Variants in KCNQ5 observed in about 807,000 individuals in gnomAD.
KCNQ5 encodes the protein potassium voltage-gated channel subfamily Q member 5, also known as potassium voltage-gated channel subfamily KQT member 5.
In KCNQ5, 30 loss-of-function variants were observed where a neutral mutation model predicts 98.2. The ratio of observed to expected loss-of-function variants is 0.31; its 90% confidence interval spans 0.23 to 0.41. The LOEUF (loss-of-function observed/expected upper bound fraction) is 0.41, where lower values mean the gene tolerates loss of function less well. Among genes scored for constraint, KCNQ5 ranks in the 10% least tolerant of loss-of-function variants. KCNQ5 has a pLI of 1.00. For synonymous variants in KCNQ5, 458 were observed against 449.4 expected, an observed-to-expected ratio of 1.02 and a Z score of -0.24; for missense variants, 835 against 1,182.5, an observed-to-expected ratio of 0.71 and a Z score of 4.31.
intron 1 of KCNQ5, among the ~76,000 whole-genome samples, chr6:72,842,177 A>T (rs1776824604): frequency 6.6e-6 from 1 of 152,184 alleles, no homozygotes. Flanking sequence ...TTGGAAGTCG[A>T]TGGGATGTGG....
intron 1 of KCNQ5, among the ~76,000 whole-genome samples, chr6:72,805,939 A>T (rs1045794238): frequency 1.3e-5 from 2 of 152,010 alleles, no homozygotes; most frequent in African/African-American, 4.8e-5. Context: ...AAATGGGATC[A>T]CTTCCATGAT....
intron 1 of KCNQ5, among the ~76,000 whole-genome samples, chr6:72,658,425 C>T (rs1053172390): frequency 3.1e-4 from 46 of 150,372 alleles, no homozygotes; most frequent in African/African-American, 7.1e-4. Flanking sequence ...GGATTACAGG[C>T]GCCCACCACC....
At chr6:73,063,686 T>TAGATAGATGATAGATAGATA (rs55995543) in intron 3 of KCNQ5, among the ~76,000 whole-genome samples, 1,850 of 92,876 alleles carry the variant, frequency 0.02, 84 homozygotes, top group South Asian at 0.031. Context: ...GATAGATAGA[T>TAGATAGATGATAGATAGATA]GATAGATAGA....
chr6:73,088,388 C>T (rs969733487), intron 5 of KCNQ5, among the ~76,000 whole-genome samples: 1 of 152,162 alleles, frequency 6.6e-6, no homozygotes, highest in Non-Finnish European at 1.5e-5. Context: ...ACTCTCCATT[C>T]TCTATTGAGT....
intron 1 of KCNQ5, among the ~76,000 whole-genome samples, chr6:72,958,660 A>G (rs553023984): frequency 3.3e-5 from 5 of 152,368 alleles, no homozygotes; most frequent in Admixed American, 6.5e-5. Context: ...TATGAGGTAC[A>G]TAATAAATAT....
chr6:72,940,865 A>C (rs917918755), intron 1 of KCNQ5, among the ~76,000 whole-genome samples: 6 of 152,222 alleles, frequency 3.9e-5, no homozygotes, highest in Admixed American at 3.9e-4. Context: ...ATACATGCAA[A>C]GTATTTAGAG....
At chr6:72,932,353 A>G (rs950253869) in intron 1 of KCNQ5, among the ~76,000 whole-genome samples, 2 of 152,136 alleles carry the variant, frequency 1.3e-5, no homozygotes, top group Non-Finnish European at 2.9e-5. Context: ...CCTAATAGGA[A>G]GACAATAGAT....
chr6:73,193,836 C>CTTTT (rs71540369), intron 13 of KCNQ5, among the ~76,000 whole-genome samples: 1 of 124,580 alleles, frequency 8.0e-6, no homozygotes, highest in Non-Finnish European at 1.7e-5. Context: ...AATGGGAAGT[C>CTTTT]TTTTTTTTTT....
At chr6:72,848,191 A>AT (rs879493705) in intron 1 of KCNQ5, among the ~76,000 whole-genome samples, 921 of 57,158 alleles carry the variant, frequency 0.016, 8 homozygotes, top group Middle Eastern at 0.087. Context: ...CAGGACAGCC[A>AT]TTTTTTTTTT....
At chr6:73,171,514 C>A (rs578172630) in intron 11 of KCNQ5, among the ~76,000 whole-genome samples, 1 of 152,230 alleles carries the variant, frequency 6.6e-6, no homozygotes, top group African/African-American at 2.4e-5. Flanking sequence ...ACTGCACTGT[C>A]CAATATGATA....
intron 1 of KCNQ5, among the ~76,000 whole-genome samples, chr6:72,843,285 A>T (rs764398780): frequency 6.6e-6 from 1 of 152,082 alleles, no homozygotes; most frequent in African/African-American, 2.4e-5. Flanking sequence ...CAAAGATCAG[A>T]TGATTGTAGA....
intron 1 of KCNQ5, among the ~76,000 whole-genome samples, chr6:72,821,734 A>G (rs1775761628): frequency 6.6e-6 from 1 of 151,870 alleles, no homozygotes; most frequent in Non-Finnish European, 1.5e-5. Flanking sequence ...TTGAAAAACA[A>G]TTATTTCTTG....
intron 1 of KCNQ5, among the ~76,000 whole-genome samples, chr6:72,741,105 C>T (rs1007759415): frequency 6.6e-6 from 1 of 152,140 alleles, no homozygotes; most frequent in African/African-American, 2.4e-5. Flanking sequence ...TTGCCCTTTT[C>T]CTGAGGGCGA....
chr6:72,640,080 C>G (rs1034272932), intron 1 of KCNQ5, among the ~76,000 whole-genome samples: 11 of 152,102 alleles, frequency 7.2e-5, no homozygotes, highest in Admixed American at 6.5e-4. Context: ...AGAAGGCTAC[C>G]TGGTGTGTGA....
At chr6:72,939,724 C>T (rs1343361551) in intron 1 of KCNQ5, among the ~76,000 whole-genome samples, 2 of 152,176 alleles carry the variant, frequency 1.3e-5, no homozygotes, top group African/African-American at 2.4e-5. Flanking sequence ...TGATGCAAGC[C>T]TGCAAATCAG....
At chr6:72,925,293 A>G (rs1444705257) in intron 1 of KCNQ5, among the ~76,000 whole-genome samples, 2 of 152,212 alleles carry the variant, frequency 1.3e-5, no homozygotes, top group East Asian at 3.8e-4. Flanking sequence ...TTACAGATGG[A>G]TCTCTTCAAT....
intron 1 of KCNQ5, among the ~76,000 whole-genome samples, chr6:72,900,593 G>A (rs1017747210): frequency 6.7e-5 from 10 of 148,560 alleles, no homozygotes; most frequent in Non-Finnish European, 5.9e-5. Context: ...TTGCAGTTGC[G>A]AATTGTGCTG....
At chr6:72,673,230 G>A (rs1767230734) in intron 1 of KCNQ5, among the ~76,000 whole-genome samples, 1 of 152,080 alleles carries the variant, frequency 6.6e-6, no homozygotes, top group African/African-American at 2.4e-5. Flanking sequence ...GCCTCCGTAT[G>A]GATCTAGGGT....
intron 1 of KCNQ5, among the ~76,000 whole-genome samples, chr6:72,823,723 C>T (rs1351876741): frequency 6.6e-6 from 1 of 152,090 alleles, no homozygotes; most frequent in Non-Finnish European, 1.5e-5. Flanking sequence ...CGAAGTTGCA[C>T]TTATGGTCCA....
Sources: allele counts gnomAD v4.1 joint callset (sites outside exome capture counted in the v4.1 genomes callset), GRCh38; gene constraint gnomAD v4.1.1; transcripts MANE v1.5; gene names NCBI Gene and HGNC (gene_info 2026-07-23, HGNC 2026-07-21).